CSMD1: variants seen among roughly 807,000 people sequenced by gnomAD.
CSMD1 encodes CUB and sushi domain-containing protein 1.
CSMD1 carries 213 observed loss-of-function variants against 417.5 expected under a neutral mutation model. The observed-to-expected ratio is 0.51, with a 90% CI of 0.46 to 0.57. CSMD1 has a LOEUF of 0.57. CSMD1 is among the 20% of genes least tolerant of loss of function. CSMD1 has a pLI of 0.00. For missense variants in CSMD1, 6,923 were observed against 4,529.7 expected, an observed-to-expected ratio of 1.53 and a Z score of -15.17; for synonymous variants, 2,862 against 1,736.8, an observed-to-expected ratio of 1.65 and a Z score of -16.11.
chr8:4,911,873 G>C (rs1805697132), intron 1 of CSMD1, among the ~76,000 whole-genome samples: 1 of 151,932 alleles, frequency 6.6e-6, no homozygotes, highest in East Asian at 1.9e-4. Context: ...CCTCTCTGAG[G>C]CTTCTGAGAA....
rs13269109 is a variant in CSMD1 at position 4,140,691 on chromosome 8, T to C, written c.416-108592A>G. Among the ~76,000 whole-genome samples the C allele has an allele frequency of 2.8e-4, 42 of 150,300 alleles. No homozygotes were observed. In the East Asian group the frequency reaches 7.6e-3, roughly 27 times the overall value. On this transcript the variant is annotated intron_variant, in intron 3 of 69. Coordinates refer to ENST00000635120, the MANE Select transcript of CSMD1 (RefSeq NM_033225.6). ...TCAATTAAAAATAATAATAATAGAG[T>C]AGAAAACCCATGGATGGTGTTCTGG...
chr8:3,460,966 C>A (rs758117591), intron 12 of CSMD1, among the ~76,000 whole-genome samples: 7 of 152,228 alleles, frequency 4.6e-5, no homozygotes, highest in Middle Eastern at 3.4e-3. Context: ...AGGGCAGTAA[C>A]AATAAGTTTG....
At chr8:3,108,974 G>C (rs1585371611) in intron 43 of CSMD1, among the ~76,000 whole-genome samples, 1 of 152,304 alleles carries the variant, frequency 6.6e-6, no homozygotes, top group African/African-American at 2.4e-5. Context: ...CTTGTCAAAT[G>C]TCAACACTCA....
intron 3 of CSMD1, among the ~76,000 whole-genome samples, chr8:4,393,348 T>A (rs1040426637): frequency 6.6e-6 from 1 of 152,144 alleles, no homozygotes; most frequent in Non-Finnish European, 1.5e-5. Flanking sequence ...AGAAAAATCA[T>A]TTTCTAAATT....
At chr8:3,261,595 C>A (rs973837429) in intron 26 of CSMD1, among the ~76,000 whole-genome samples, 4 of 152,058 alleles carry the variant, frequency 2.6e-5, no homozygotes, top group Non-Finnish European at 5.9e-5. Flanking sequence ...TGGAAATTAC[C>A]CAGGTGTCCT....
intron 3 of CSMD1, among the ~76,000 whole-genome samples, chr8:4,325,185 G>T (rs1585235103): frequency 6.6e-6 from 1 of 152,090 alleles, no homozygotes; most frequent in Admixed American, 6.6e-5. Flanking sequence ...TATAACAAAG[G>T]AAACTGTCAT....
chr8:3,333,156 C>G (rs941285691), intron 23 of CSMD1, among the ~76,000 whole-genome samples: 1 of 152,140 alleles, frequency 6.6e-6, no homozygotes, highest in Non-Finnish European at 1.5e-5. Context: ...TGCTGACAGC[C>G]TGAAGAGGCC....
At position 4,257,183 on chromosome 8, in the gene CSMD1, T is replaced by C. The variant is rs922822914; in HGVS notation, c.415+162770A>G. Among the ~76,000 whole-genome samples, 3 of 117,460 alleles carry C rather than the reference T, an allele frequency of 2.6e-5. No homozygotes were observed. In the South Asian group the frequency reaches 1.0e-3, roughly 40 times the overall value. 77.1% of individuals were successfully genotyped at this position (117,460 alleles called of 152,430 possible). On this transcript the variant is annotated intron_variant, in intron 3 of 69. Transcript: ENST00000635120. ...AAGTTTGACCTTGAGTTATAAATTA[T>C]GGTACTACATTTTTAAGCATGAGAG...
At chr8:3,719,728 G>A (rs1390811987) in intron 6 of CSMD1, among the ~76,000 whole-genome samples, 5 of 152,146 alleles carry the variant, frequency 3.3e-5, no homozygotes, top group African/African-American at 1.2e-4. Context: ...CACATATTAT[G>A]TACAAATATA....
At chr8:3,722,833 G>T (rs1310290168) in intron 6 of CSMD1, among the ~76,000 whole-genome samples, 1 of 152,198 alleles carries the variant, frequency 6.6e-6, no homozygotes, top group East Asian at 1.9e-4. Context: ...GGAAAAATAT[G>T]TTTGAGATTC....
chr8:3,292,860 C>A (rs953713530), intron 25 of CSMD1, among the ~76,000 whole-genome samples: 1 of 151,472 alleles, frequency 6.6e-6, no homozygotes, highest in Non-Finnish European at 1.5e-5. Context: ...TGAATTTGAT[C>A]CTGTCATTAT....
intron 2 of CSMD1, among the ~76,000 whole-genome samples, chr8:4,455,607 C>G (rs940726793): frequency 1.3e-5 from 2 of 151,904 alleles, no homozygotes; most frequent in Non-Finnish European, 2.9e-5. Context: ...TTTAAATCAT[C>G]TTATTTTCTC....
chr8:4,073,831 G>C (rs749509318), intron 3 of CSMD1, among the ~76,000 whole-genome samples: 2 of 151,988 alleles, frequency 1.3e-5, no homozygotes, highest in Non-Finnish European at 1.5e-5. Context: ...AAATTGCTTT[G>C]TTAATAGTTG....
chr8:4,193,414 T>A (rs1799149154), intron 3 of CSMD1, among the ~76,000 whole-genome samples: 1 of 151,788 alleles, frequency 6.6e-6, no homozygotes, highest in South Asian at 2.1e-4. Context: ...CCAAGTCTGT[T>A]TGCTTCTCTG....
chr8:4,057,244 A>G (rs1325442959), intron 3 of CSMD1, among the ~76,000 whole-genome samples: 1 of 152,134 alleles, frequency 6.6e-6, no homozygotes, highest in Non-Finnish European at 1.5e-5. Context: ...GTGAGATGGT[A>G]TCTCATTGTG....
At chr8:3,179,637 A>G (rs564186177) in intron 37 of CSMD1, among the ~76,000 whole-genome samples, 1 of 152,200 alleles carries the variant, frequency 6.6e-6, no homozygotes, top group Non-Finnish European at 1.5e-5. Context: ...AGGAATAAAA[A>G]CCCAGATGCT....
intron 3 of CSMD1, among the ~76,000 whole-genome samples, chr8:4,239,769 A>C (rs1802282167): frequency 6.6e-6 from 1 of 152,200 alleles, no homozygotes; most frequent in African/African-American, 2.4e-5. Context: ...ACAATGGTCT[A>C]TCTTTCACGT....
At chr8:3,188,298 T>C (rs1489876930) in intron 35 of CSMD1, among the ~76,000 whole-genome samples, 2 of 113,808 alleles carry the variant, frequency 1.8e-5, no homozygotes, top group Admixed American at 1.3e-4. Flanking sequence ...CTTTTTCTTT[T>C]CCTTTCTTTT....
At chr8:4,132,473 C>G (rs1330557968) in intron 3 of CSMD1, among the ~76,000 whole-genome samples, 3 of 152,078 alleles carry the variant, frequency 2.0e-5, no homozygotes, top group East Asian at 3.9e-4. Context: ...TTTACTTTAA[C>G]AGGAACATGG....
Sources: allele counts gnomAD v4.1 joint callset (sites outside exome capture counted in the v4.1 genomes callset), GRCh38; gene constraint gnomAD v4.1.1; transcripts MANE v1.5; gene names NCBI Gene and HGNC (gene_info 2026-07-23, HGNC 2026-07-21).